CACNA1D: variants seen among roughly 807,000 people sequenced by gnomAD.
The protein encoded by CACNA1D is voltage-dependent L-type calcium channel subunit alpha-1D.
In CACNA1D, 55 loss-of-function variants were observed where a neutral mutation model predicts 257.1. The observed-to-expected ratio is 0.21, with a 90% CI of 0.17 to 0.27. The LOEUF (loss-of-function observed/expected upper bound fraction) is 0.27, where lower values mean the gene tolerates loss of function less well. Ranked by LOEUF, CACNA1D falls within the 10% of genes least tolerant of loss-of-function variation. The probability of loss-of-function intolerance (pLI) is 1.00; values close to 1 mark genes in which losing one functional copy is unlikely to be tolerated. For synonymous variants in CACNA1D, 980 were observed against 1,014.9 expected (o/e 0.97, Z 0.65); for missense variants, 1,876 against 2,784.0 (o/e 0.67, Z 7.34).
At chr3:53,497,569 G>A (rs1398141619) in intron 2 of CACNA1D, 108 bp downstream of exon 2, 12 of 1,146,340 alleles carry the variant, frequency 1.0e-5, no homozygotes, top group Non-Finnish European at 1.3e-5. Context: ...TGGAATGCGA[G>A]TAACAGAAGT....
intron 3 of CACNA1D, among the ~76,000 whole-genome samples, chr3:53,594,096 C>T (rs1462162722): frequency 2.6e-5 from 4 of 152,276 alleles, no homozygotes; most frequent in East Asian, 3.9e-4. Context: ...GGAGTGTGCA[C>T]GTGTGTCCGT....
At chr3:53,542,966 C>T (rs868082642) in intron 3 of CACNA1D, among the ~76,000 whole-genome samples, 19 of 151,876 alleles carry the variant, frequency 1.3e-4, no homozygotes, top group Middle Eastern at 3.4e-3. Flanking sequence ...GCAGGAGAAT[C>T]GCTTGAACCC....
At chr3:53,530,008 T>C (rs535628569) in intron 3 of CACNA1D, among the ~76,000 whole-genome samples, 1 of 152,324 alleles carries the variant, frequency 6.6e-6, no homozygotes, top group South Asian at 2.1e-4. Context: ...ATAAATTTGG[T>C]TACCTGGCCT....
intron 3 of CACNA1D, among the ~76,000 whole-genome samples, chr3:53,506,519 T>C (rs1158903083): frequency 6.6e-6 from 1 of 152,212 alleles, no homozygotes; most frequent in African/African-American, 2.4e-5. Context: ...CCTTGTGAAC[T>C]TAATCCTGTG....
intron 3 of CACNA1D, among the ~76,000 whole-genome samples, chr3:53,517,092 G>A (rs1289696553): frequency 2.0e-5 from 3 of 152,216 alleles, no homozygotes; most frequent in Non-Finnish European, 4.4e-5. Flanking sequence ...CTGTGTGAAA[G>A]CGTTTTATAA....
At chr3:53,522,841 G>T (rs2091630281) in intron 3 of CACNA1D, among the ~76,000 whole-genome samples, 1 of 152,078 alleles carries the variant, frequency 6.6e-6, no homozygotes, top group African/African-American at 2.4e-5. Flanking sequence ...TCACCCTACT[G>T]TGCTATCAAA....
At chr3:53,552,512 C>T (rs2092555362) in intron 3 of CACNA1D, among the ~76,000 whole-genome samples, 1 of 152,122 alleles carries the variant, frequency 6.6e-6, no homozygotes, top group African/African-American at 2.4e-5. Flanking sequence ...TCCCAAGTAG[C>T]TGGGATTAAA....
At chr3:53,669,308 G>A (rs577798223) in intron 7 of CACNA1D, among the ~76,000 whole-genome samples, 58 of 152,382 alleles carry the variant, frequency 3.8e-4, no homozygotes, top group African/African-American at 1.2e-3. Flanking sequence ...CTGGCACCGA[G>A]CAGGCACTCA....
chr3:53,711,515 C>T lies in CACNA1D; in HGVS notation c.1391-6786C>T, dbSNP rs537263015. On this transcript the variant is annotated intron_variant, in intron 9 of 47. Transcript: ENST00000350061. ...CAGCACAAAGCTTTGCCTATGCACA[C>T]CAGCACAGTCGACCCAGTTCTGCCA... Among the ~76,000 whole-genome samples, 3 of 152,350 alleles carry T rather than the reference C, an allele frequency of 2.0e-5. No homozygotes were observed. In the East Asian group the frequency reaches 5.8e-4, roughly 29 times the overall value.
intron 37 of CACNA1D, among the ~76,000 whole-genome samples, chr3:53,779,328 C>G (rs1406555789): frequency 6.6e-6 from 1 of 152,002 alleles, no homozygotes; most frequent in East Asian, 1.9e-4. Flanking sequence ...CCAGAGTCCC[C>G]TAAGTGGTAG....
chr3:53,706,545 C>T (rs1249543942), intron 9 of CACNA1D, among the ~76,000 whole-genome samples: 1 of 152,202 alleles, frequency 6.6e-6, no homozygotes, highest in Non-Finnish European at 1.5e-5. Context: ...CGTTCTGTGA[C>T]TGCTAGGAGT....
intron 7 of CACNA1D, among the ~76,000 whole-genome samples, chr3:53,667,225 G>A (rs2094275296): frequency 6.6e-6 from 1 of 152,190 alleles, no homozygotes; most frequent in African/African-American, 2.4e-5. Context: ...ACTCTTTCAA[G>A]GCGAGGGTCT....
chr3:53,741,236 G>T (rs989263951), intron 21 of CACNA1D, among the ~76,000 whole-genome samples: 3 of 152,208 alleles, frequency 2.0e-5, no homozygotes, highest in African/African-American at 7.2e-5. Context: ...GGAGAACGTG[G>T]CCCATCAGAA....
intron 9 of CACNA1D, among the ~76,000 whole-genome samples, chr3:53,705,551 AT>A (rs2094678837): frequency 6.6e-6 from 1 of 152,114 alleles, no homozygotes; most frequent in Non-Finnish European, 1.5e-5. Context: ...AATAGCAAAT[AT>A]TTCTGTGGTG....
chr3:53,708,366 A>G (rs1184302115), intron 9 of CACNA1D, among the ~76,000 whole-genome samples: 1 of 152,250 alleles, frequency 6.6e-6, no homozygotes, highest in Non-Finnish European at 1.5e-5. Context: ...CGTCCAGGTC[A>G]AGAGCCCTCA....
intron 2 of CACNA1D, among the ~76,000 whole-genome samples, chr3:53,499,181 CGCT>C (rs1346623760): frequency 1.3e-5 from 2 of 152,126 alleles, no homozygotes; most frequent in Non-Finnish European, 2.9e-5. Context: ...TCCTGGATCA[CGCT>C]GCTGTCTCCC....
intron 7 of CACNA1D, 80 bp downstream of exon 7, chr3:53,666,615 G>A (rs1241118086): frequency 1.6e-6 from 2 of 1,221,322 alleles, no homozygotes; most frequent in East Asian, 2.3e-5. Flanking sequence ...CACTGGAGAG[G>A]TGGCTGGAAA....
At chr3:53,583,705 C>A (rs973735422) in intron 3 of CACNA1D, among the ~76,000 whole-genome samples, 2 of 152,172 alleles carry the variant, frequency 1.3e-5, no homozygotes, top group African/African-American at 4.8e-5. Context: ...AGGTGCCCAG[C>A]AGAGGGTAGG....
At chr3:53,722,946 T>A (rs1400986522) in intron 12 of CACNA1D, among the ~76,000 whole-genome samples, 1 of 152,154 alleles carries the variant, frequency 6.6e-6, no homozygotes, top group South Asian at 2.1e-4. Context: ...CAAACCCGTT[T>A]CCCTCTACCT....
Sources: gnomAD v4.1 joint callset for allele counts (sites outside exome capture counted in the v4.1 genomes callset) on GRCh38, gnomAD v4.1.1 for gene constraint, MANE v1.5 for transcripts, NCBI Gene and HGNC (gene_info 2026-07-23, HGNC 2026-07-21) for gene names.